The following RHBDL2 variants were observed in gnomAD, a reference collection of about 807,000 sequenced individuals.
RHBDL2 encodes rhomboid-related protein 2.
Under a neutral mutation model 31.7 loss-of-function variants are expected in RHBDL2, and 26 were observed. The ratio of observed to expected loss-of-function variants is 0.82; its 90% CI spans 0.60 to 1.14. RHBDL2 has a LOEUF of 1.14. Ranked by LOEUF, RHBDL2 falls within the 50% of genes most tolerant of loss-of-function variation. The pLI, the probability that RHBDL2 is intolerant of heterozygous loss-of-function variation, is 0.00. For synonymous variants in RHBDL2, 123 were observed against 127.2 expected (o/e 0.97, Z 0.22); for missense variants, 336 against 364.4 (o/e 0.92, Z 0.63).
At chr1:38,897,257 C>T (rs908739842) in intron 4 of RHBDL2, among the ~76,000 whole-genome samples, 1 of 152,028 alleles carries the variant, frequency 6.6e-6, no homozygotes, top group African/African-American at 2.4e-5. Context: ...CCCGCCACCA[C>T]GCCTGGCTAA....
At chr1:38,928,953 T>C (rs1461127136) in intron 1 of RHBDL2, among the ~76,000 whole-genome samples, 2 of 151,930 alleles carry the variant, frequency 1.3e-5, no homozygotes, top group Non-Finnish European at 2.9e-5. Context: ...CACCTGCACT[T>C]CCAGGTACTC....
intron 4 of RHBDL2, among the ~76,000 whole-genome samples, chr1:38,902,201 C>CCTTTT (rs1643000097): frequency 1.1e-5 from 1 of 92,806 alleles, no homozygotes; most frequent in African/African-American, 3.8e-5. Context: ...TTTTCTTTTT[C>CCTTTT]TTTTTTTTTT....
At chr1:38,919,403 TAA>T in intron 1 of RHBDL2, 66 bp from the exon 2 acceptor site, 1 of 1,425,270 alleles carries the variant, frequency 7.0e-7, no homozygotes, top group South Asian at 1.5e-5. Context: ...TGGCCCAAAA[TAA>T]AGTTTTCTAT....
At chr1:38,938,369 C>G (rs190464880) in intron 1 of RHBDL2, among the ~76,000 whole-genome samples, 2 of 152,120 alleles carry the variant, frequency 1.3e-5, no homozygotes, top group African/African-American at 4.8e-5. Context: ...GATTCCTTAA[C>G]GAGGCACAGA....
rs188008786 is a variant in RHBDL2, at chr1:38,904,986, G to C, written c.508+6336C>G. The stretch of plus-strand genomic sequence containing the variant: ...GCGGAGCTTGCAGTGAGCCGAGATC[G>C]CGCCACTGCACTCCAGCCTGGGCAA... On this transcript the variant is annotated intron_variant, in intron 4 of 7. Transcript: ENST00000372990. Among the ~76,000 whole-genome samples, 3 of 150,228 alleles carry C rather than the reference G, an allele frequency of 2.0e-5. No homozygotes were observed. The East Asian group carries it at 5.8e-4, about 29-fold the overall frequency.
chr1:38,923,034 G>A (rs1194585352), intron 1 of RHBDL2, among the ~76,000 whole-genome samples: 1 of 151,952 alleles, frequency 6.6e-6, no homozygotes. Context: ...AGGTTTCAGT[G>A]AGCTGATATC....
intron 3 of RHBDL2, among the ~76,000 whole-genome samples, chr1:38,913,848 G>A (rs1235800597): frequency 6.6e-6 from 1 of 152,202 alleles, no homozygotes; most frequent in Non-Finnish European, 1.5e-5. Context: ...GCCGGGCACA[G>A]TGGCTCACGC....
rs188078614 is a variant in RHBDL2 at position 38,935,998 on chromosome 1, G to A, written c.-126+5684C>T. Among the ~76,000 whole-genome samples the A allele has an allele frequency of 1.8e-4, 27 of 150,878 alleles. No individual in the cohort carries two copies. In the East Asian group the frequency reaches 4.2e-3, roughly 23 times the overall value. On this transcript the variant is annotated intron_variant, in intron 1 of 7. Coordinates refer to ENST00000372990, the MANE Select transcript of RHBDL2 (RefSeq NM_017821.5). ...TGCAAACCCAACTCACTGAAGCCTC[G>A]ACCTCTTGGGCTCAAGATATCCTCC...
At chr1:38,929,372 C>T (rs927932550) in intron 1 of RHBDL2, 2 of 1,284,082 alleles carry the variant, frequency 1.6e-6, no homozygotes, top group Admixed American at 4.6e-5. Context: ...CTTTGAGAAG[C>T]CAGAGGACTA....
rs556289635 is a variant in RHBDL2, at chr1:38,890,300, G to A, written c.671-2276C>T. Reference sequence around the variant, plus strand: ...TTCCTAAAGTGCTGCGATTACAGGCGTGAGCTACCGTGCCTGGCCCATATT... The same window carrying A: ...TTCCTAAAGTGCTGCGATTACAGGCATGAGCTACCGTGCCTGGCCCATATT... On this transcript the variant is annotated intron_variant, in intron 6 of 7. Transcript: ENST00000372990. Among the ~76,000 whole-genome samples, 17 of 152,232 alleles carry A rather than the reference G, an allele frequency of 1.1e-4. 1 individual carries two copies. The South Asian group carries it at 2.7e-3, about 24-fold the overall frequency.
At chr1:38,920,166 C>CTT (rs71057165) in intron 1 of RHBDL2, among the ~76,000 whole-genome samples, 17,122 of 111,378 alleles carry the variant, frequency 0.15, 2,315 homozygotes, top group Non-Finnish European at 0.19. Context: ...CACATGTTTT[C>CTT]TTTTTTTTTT....
chr1:38,907,178 T>A (rs1643077103), intron 4 of RHBDL2, among the ~76,000 whole-genome samples: 1 of 152,194 alleles, frequency 6.6e-6, no homozygotes, highest in Admixed American at 6.5e-5. Flanking sequence ...AACGAATTAT[T>A]CTAGCATAAT....
At chr1:38,918,589 C>T (rs1466466933) in intron 2 of RHBDL2, among the ~76,000 whole-genome samples, 1 of 152,170 alleles carries the variant, frequency 6.6e-6, no homozygotes, top group African/African-American at 2.4e-5. Context: ...CACTTCTAAA[C>T]CTGGGGTCCC....
chr1:38,896,665 T>C (rs943138609), intron 4 of RHBDL2, among the ~76,000 whole-genome samples: 1 of 152,192 alleles, frequency 6.6e-6, no homozygotes, highest in African/African-American at 2.4e-5. Flanking sequence ...TGAGCCATAA[T>C]GTGCCCTCAG....
chr1:38,900,789 TG>T (rs1333504619), intron 4 of RHBDL2, among the ~76,000 whole-genome samples: 3 of 152,260 alleles, frequency 2.0e-5, no homozygotes, highest in Admixed American at 2.0e-4. Flanking sequence ...GGCTCATGCC[TG>T]TAATCCCAGC....
intron 7 of RHBDL2, among the ~76,000 whole-genome samples, chr1:38,887,211 T>TTTTTG (rs1019760131): frequency 2.6e-5 from 4 of 152,174 alleles, no homozygotes. Flanking sequence ...CCAATCTGTT[T>TTTTTG]TTTTGTTTTG....
At chr1:38,922,817 C>A (rs982452308) in intron 1 of RHBDL2, among the ~76,000 whole-genome samples, 2 of 152,108 alleles carry the variant, frequency 1.3e-5, no homozygotes, top group African/African-American at 4.8e-5. Context: ...TTAGGCCGGG[C>A]ACAGTGGCTC....
intron 1 of RHBDL2, among the ~76,000 whole-genome samples, chr1:38,940,913 C>T (rs1294770014): frequency 1.3e-5 from 2 of 152,102 alleles, no homozygotes; most frequent in African/African-American, 2.4e-5. Context: ...AAAATTATAG[C>T]TGAGGAAACT....
intron 1 of RHBDL2, chr1:38,929,578 C>T (rs530744928): frequency 2.3e-6 from 3 of 1,285,670 alleles, no homozygotes; most frequent in African/African-American, 3.0e-5. Flanking sequence ...TTCATTGGTA[C>T]CAGGCAGGCC....
Sources: gnomAD v4.1 joint callset for allele counts (sites outside exome capture counted in the v4.1 genomes callset) on GRCh38, gnomAD v4.1.1 for gene constraint, MANE v1.5 for transcripts, NCBI Gene and HGNC (gene_info 2026-07-23, HGNC 2026-07-21) for gene names.